NAA38: variants seen among roughly 807,000 people sequenced by gnomAD.
The protein encoded by NAA38 is LSM domain containing 1.
A neutral mutation model predicts 12.6 loss-of-function variants in NAA38; 15 were observed. The observed-to-expected ratio is 1.19, with a 90% CI of 0.79 to 1.83. The LOEUF (loss-of-function observed/expected upper bound fraction) is 1.83. Ranked by LOEUF, NAA38 falls within the 40% of genes most tolerant of loss-of-function variation. The pLI is 0.00. For synonymous variants in NAA38, 88 were observed against 69.9 expected (o/e 1.26, Z -1.29); for missense variants, 183 against 171.7 (o/e 1.07, Z -0.37).
upstream of NAA38, chr17:7,858,987 T>G (rs768726478): frequency 1.8e-4 from 117 of 646,170 alleles, no homozygotes; most frequent in Middle Eastern, 4.0e-4. Flanking sequence ...TCCCCAGGGT[T>G]GGGAATTCTA....
chr17:7,881,974 C>A (rs954807443), intron 2 of NAA38, among the ~76,000 whole-genome samples: 2 of 150,856 alleles, frequency 1.3e-5, no homozygotes, highest in African/African-American at 4.9e-5. Context: ...CAGGAGCAAG[C>A]AGGTAAAGAG....
chr17:7,880,194 G>C (rs914193016), intron 2 of NAA38, among the ~76,000 whole-genome samples: 1 of 152,058 alleles, frequency 6.6e-6, no homozygotes, highest in Non-Finnish European at 1.5e-5. Flanking sequence ...AAGGATACAG[G>C]CCAATCAGAC....
At chr17:7,869,704 A>G (rs773430292) in intron 2 of NAA38, among the ~76,000 whole-genome samples, 26 of 151,768 alleles carry the variant, frequency 1.7e-4, no homozygotes, top group Admixed American at 1.2e-3. Flanking sequence ...CAGAGGTTGC[A>G]GTGAGCCGAG....
At chr17:7,859,455 C>G (rs746389728), upstream of NAA38, 40 of 1,613,986 alleles carry the variant, frequency 2.5e-5, no homozygotes, top group Non-Finnish European at 3.2e-5. Flanking sequence ...GCCAGCTACA[C>G]GTGGAAATAT....
chr17:7,858,802 C>A, upstream of NAA38: 1 of 1,560,200 alleles, frequency 6.4e-7, no homozygotes, highest in South Asian at 1.2e-5. Context: ...AACACGCTCA[C>A]GTCGCAGGAG....
intron 1 of NAA38, among the ~76,000 whole-genome samples, chr17:7,883,806 C>A (rs1233726659): frequency 6.6e-6 from 1 of 150,572 alleles, no homozygotes; most frequent in African/African-American, 2.4e-5. Flanking sequence ...AAAACCTTCA[C>A]ATCAAACCAC....
chr17:7,866,182 G>A (rs1229112937), intron 3 of NAA38: 1 of 204,498 alleles, frequency 4.9e-6, no homozygotes, highest in Non-Finnish European at 9.6e-6. Context: ...CGCCTCCCGG[G>A]TTCACGCCAT....
chr17:7,872,200 G>T (rs1190514818), intron 2 of NAA38, among the ~76,000 whole-genome samples: 2 of 152,004 alleles, frequency 1.3e-5, no homozygotes, highest in Admixed American at 6.6e-5. Flanking sequence ...TAGTTTCATT[G>T]AGTTAAATCT....
At chr17:7,857,620 T>C (rs2078838941), upstream of NAA38, 2 of 1,360,448 alleles carry the variant, frequency 1.5e-6, no homozygotes, top group East Asian at 2.8e-5. Context: ...CTCGCGAGCT[T>C]CTCCTACTTC....
chr17:7,866,615 G>T, intron 2 of NAA38: 1 of 897,218 alleles, frequency 1.1e-6, no homozygotes, highest in Non-Finnish European at 1.5e-6. Flanking sequence ...TCCTCTGTGT[G>T]GAACAATCCA....
upstream of NAA38, chr17:7,858,394 C>G (rs557990456): frequency 6.2e-7 from 1 of 1,614,154 alleles, no homozygotes; most frequent in African/African-American, 1.3e-5. Context: ...CTGTGCTGCT[C>G]TTTTCAAGGG....
upstream of NAA38, chr17:7,859,831 A>G (rs1203531731): frequency 1.8e-6 from 1 of 549,330 alleles, no homozygotes; most frequent in African/African-American, 1.9e-5. Flanking sequence ...GGAATGATAC[A>G]AGAAGATCAA....
upstream of NAA38, chr17:7,859,170 C>G (rs2078862748): frequency 1.7e-6 from 1 of 603,566 alleles, no homozygotes; most frequent in Non-Finnish European, 2.9e-6. Flanking sequence ...ACAGTTGACC[C>G]TTTATGGCCA....
chr17:7,862,439 T>C (rs1441265155), upstream of NAA38: 2 of 152,148 alleles, frequency 1.3e-5, no homozygotes, highest in East Asian at 3.9e-4. Flanking sequence ...CCAAAAGTTA[T>C]TCCATAGAGG....
chr17:7,885,337 GCCGCC>G (rs1967704583), upstream of NAA38: 1 of 180,740 alleles, frequency 5.5e-6, no homozygotes, highest in East Asian at 1.9e-4. Flanking sequence ...CGCCGCCGCC[GCCGCC>G]GCCACCCCGG....
At chr17:7,858,445 A>G (rs562298338), upstream of NAA38, 4 of 1,614,170 alleles carry the variant, frequency 2.5e-6, no homozygotes, top group East Asian at 6.7e-5. Context: ...GCAGGCCAGG[A>G]TATCAGCCAC....
chr17:7,858,458 G>A (rs1483839579), upstream of NAA38: 1 of 1,614,218 alleles, frequency 6.2e-7, no homozygotes, highest in South Asian at 1.1e-5. Flanking sequence ...TCAGCCACTG[G>A]TTTGATCCAA....
At chr17:7,870,858 G>C (rs1466653569) in intron 2 of NAA38, among the ~76,000 whole-genome samples, 2 of 150,232 alleles carry the variant, frequency 1.3e-5, no homozygotes, top group African/African-American at 2.5e-5. Flanking sequence ...CTACACTCCA[G>C]CTTGGGGGCG....
intron 1 of NAA38, chr17:7,884,777 G>T: frequency 5.0e-6 from 2 of 398,550 alleles, no homozygotes; most frequent in African/African-American, 5.0e-5. Context: ...GCGGTGGGTG[G>T]GGGGGTGGTG....
Sources: allele counts gnomAD v4.1 joint callset (sites outside exome capture counted in the v4.1 genomes callset), GRCh38; gene constraint gnomAD v4.1.1; transcripts MANE v1.5; gene names NCBI Gene and HGNC (gene_info 2026-07-23, HGNC 2026-07-21).